The following SOX5 variants were observed in gnomAD, a reference collection of about 807,000 sequenced individuals.
SOX5 encodes SRY-box transcription factor 5, also known as transcription factor SOX-5.
A neutral mutation model predicts 92.0 loss-of-function variants in SOX5; 9 were observed. That is an observed-to-expected ratio of 0.10 (90% confidence interval 0.06 to 0.17). The LOEUF is 0.17. Ranked by LOEUF, SOX5 falls within the 10% of genes least tolerant of loss-of-function variation. The pLI is 1.00. For synonymous variants in SOX5, 344 were observed against 336.3 expected, an observed-to-expected ratio of 1.02 and a Z score of -0.25; for missense variants, 642 against 944.5, an observed-to-expected ratio of 0.68 and a Z score of 4.20.
intron 1 of SOX5, among the ~76,000 whole-genome samples, chr12:24,451,460 T>C (rs12816920): frequency 0.1 from 15,921 of 152,240 alleles, 939 homozygotes; most frequent in South Asian, 0.16. Flanking sequence ...GCCAGCATTA[T>C]TTATTGCTTA....
At chr12:23,991,638 C>T (rs895159402) in intron 4 of SOX5, among the ~76,000 whole-genome samples, 3 of 151,760 alleles carry the variant, frequency 2.0e-5, no homozygotes, top group African/African-American at 4.8e-5. Flanking sequence ...TCAAGATTTT[C>T]ATAGGAGGTA....
At chr12:23,679,896 T>A (rs1015253876) in intron 6 of SOX5, among the ~76,000 whole-genome samples, 2 of 150,930 alleles carry the variant, frequency 1.3e-5, no homozygotes, top group African/African-American at 4.9e-5. Flanking sequence ...GATAATCAGA[T>A]AAAAAAATAA....
intron 6 of SOX5, among the ~76,000 whole-genome samples, chr12:23,674,964 C>T (rs575086372): frequency 2.6e-5 from 4 of 152,204 alleles, no homozygotes; most frequent in Admixed American, 2.0e-4. Context: ...TTAATACACC[C>T]TATCCTGAAG....
intron 6 of SOX5, among the ~76,000 whole-genome samples, chr12:23,666,805 A>G (rs1371172694): frequency 1.3e-5 from 2 of 152,188 alleles, no homozygotes; most frequent in Non-Finnish European, 2.9e-5. Context: ...TGAAAAAAGT[A>G]AAAGAAACAA....
chr12:24,528,734 C>G (rs1478657143), intron 1 of SOX5, among the ~76,000 whole-genome samples: 1 of 152,180 alleles, frequency 6.6e-6, no homozygotes, highest in African/African-American at 2.4e-5. Flanking sequence ...AAATCTCATC[C>G]AGCATCCTCA....
At position 23,893,101 on chromosome 12, in the gene SOX5, T is replaced by C. The variant is rs576996190; in HGVS notation, c.270+2692A>G. Among the ~76,000 whole-genome samples the C allele has an allele frequency of 3.9e-5, 6 of 152,300 alleles. No homozygotes were observed. The South Asian group carries it at 6.2e-4, about 16-fold the overall frequency. On this transcript the variant is annotated intron_variant, in intron 2 of 14. Coordinates refer to ENST00000451604, the MANE Select transcript of SOX5 (RefSeq NM_006940.6). ...CCGTAGTGTCTAGCACAAAACATGG[T>C]ACAGTGTAGGCAGTTCATCGTTTTT...
intron 2 of SOX5, among the ~76,000 whole-genome samples, chr12:24,337,638 G>A (rs1005983773): frequency 3.3e-5 from 5 of 151,970 alleles, no homozygotes; most frequent in Admixed American, 6.6e-5. Flanking sequence ...CCACACACTC[G>A]GCCTGAATCT....
At chr12:23,750,909 C>T (rs1023346150) in intron 4 of SOX5, among the ~76,000 whole-genome samples, 3 of 151,930 alleles carry the variant, frequency 2.0e-5, no homozygotes, top group East Asian at 1.9e-4. Flanking sequence ...AGGACACCGG[C>T]GTCATGAGAC....
At chr12:23,853,111 TATATATATATATAC>T (rs1475693059) in intron 2 of SOX5, among the ~76,000 whole-genome samples, 4 of 146,800 alleles carry the variant, frequency 2.7e-5, no homozygotes, top group African/African-American at 1.0e-4. Context: ...ATGCAAAAAT[TATATATATATATAC>T]ATATATATAT....
intron 2 of SOX5, among the ~76,000 whole-genome samples, chr12:24,352,166 T>C (rs992053861): frequency 1.2e-4 from 19 of 152,152 alleles, no homozygotes; most frequent in African/African-American, 4.3e-4. Context: ...TGGGCAGGTG[T>C]TTTCACAATA....
At chr12:24,293,196 A>G (rs1359607608) in intron 2 of SOX5, among the ~76,000 whole-genome samples, 5 of 152,194 alleles carry the variant, frequency 3.3e-5, no homozygotes, top group African/African-American at 1.2e-4. Context: ...CTATAAGGTG[A>G]TATGTGATGG....
At chr12:24,290,102 G>A (rs1356872290) in intron 2 of SOX5, among the ~76,000 whole-genome samples, 1 of 152,154 alleles carries the variant, frequency 6.6e-6, no homozygotes, top group Non-Finnish European at 1.5e-5. Flanking sequence ...ATAGAACTAT[G>A]CAGGCTGCTG....
At chr12:24,536,327 T>A (rs1158742668) in intron 1 of SOX5, among the ~76,000 whole-genome samples, 1 of 152,178 alleles carries the variant, frequency 6.6e-6, no homozygotes. Context: ...AGCACAAGTT[T>A]AACAGCTGAC....
chr12:23,757,107 C>T (rs754198793), intron 3 of SOX5, among the ~76,000 whole-genome samples: 3 of 151,860 alleles, frequency 2.0e-5, no homozygotes. Context: ...TGAATGATTA[C>T]TCTTTTACAT....
chr12:23,973,407 C>T (rs1232896288), intron 4 of SOX5, among the ~76,000 whole-genome samples: 1 of 152,110 alleles, frequency 6.6e-6, no homozygotes, highest in Non-Finnish European at 1.5e-5. Flanking sequence ...GATCCACCCA[C>T]CTCGGCCTCC....
At position 24,395,549 on chromosome 12, in the gene SOX5, C is replaced by T. The variant is rs1959708266; in HGVS notation, c.-250-26910G>A. Among the ~76,000 whole-genome samples, 3 of 152,162 alleles carry T rather than the reference C, an allele frequency of 2.0e-5. No individual in the cohort carries two copies. The South Asian group carries it at 6.2e-4, about 31-fold the overall frequency. ...TGAATTCTATTAACTGGCAATAATT[C>T]TAATAGGACTAAGTTTAACATGTCT... On this transcript the variant is annotated intron_variant, in intron 1 of 4. Coordinates refer to the SOX5 transcript ENST00000446891.
chr12:23,869,894 T>G (rs1165577643), intron 2 of SOX5, among the ~76,000 whole-genome samples: 1 of 152,146 alleles, frequency 6.6e-6, no homozygotes, highest in Non-Finnish European at 1.5e-5. Flanking sequence ...CAATTAAGAC[T>G]TTTATGTGTA....
At chr12:24,019,664 T>G (rs575214907) in intron 4 of SOX5, among the ~76,000 whole-genome samples, 9 of 152,304 alleles carry the variant, frequency 5.9e-5, no homozygotes, top group African/African-American at 2.2e-4. Context: ...AGGAGTAAGT[T>G]ACCTGTGGAG....
intron 2 of SOX5, among the ~76,000 whole-genome samples, chr12:24,282,043 G>A (rs535397024): frequency 2.2e-4 from 34 of 152,234 alleles, no homozygotes; most frequent in African/African-American, 6.7e-4. Context: ...GAGATTCAAA[G>A]AATTTTAAAA....
Sources: allele counts gnomAD v4.1 joint callset (sites outside exome capture counted in the v4.1 genomes callset), GRCh38; gene constraint gnomAD v4.1.1; transcripts MANE v1.5; gene names NCBI Gene and HGNC (gene_info 2026-07-23, HGNC 2026-07-21).